Variants in EBF3 observed in about 807,000 individuals in gnomAD.
EBF3 encodes the protein EBF transcription factor 3.
In EBF3, 18 loss-of-function variants were observed where a neutral mutation model predicts 77.1. The ratio of observed to expected loss-of-function variants is 0.23; its 90% CI spans 0.16 to 0.35. The LOEUF (loss-of-function observed/expected upper bound fraction) is 0.35. Among genes scored for constraint, EBF3 ranks in the 10% least tolerant of loss-of-function variants. The pLI is 1.00. For missense variants in EBF3, 558 were observed against 860.0 expected, an observed-to-expected ratio of 0.65 and a Z score of 4.39; for synonymous variants, 350 against 343.5, an observed-to-expected ratio of 1.02 and a Z score of -0.21.
At chr10:129,906,135 T>C (rs531797781) in intron 6 of EBF3, among the ~76,000 whole-genome samples, 1 of 152,276 alleles carries the variant, frequency 6.6e-6, no homozygotes, top group South Asian at 2.1e-4. Context: ...TAGATAACAA[T>C]TCAGATGCAA....
At chr10:129,877,406 G>A (rs1305730292) in intron 7 of EBF3, among the ~76,000 whole-genome samples, 2 of 150,286 alleles carry the variant, frequency 1.3e-5, no homozygotes, top group Non-Finnish European at 3.0e-5. Flanking sequence ...CCTTGAACCT[G>A]GGAGGCGGAG....
At chr10:129,843,276 C>T (rs747190003) in intron 11 of EBF3, 74 bp from the exon 12 acceptor site, 31 of 1,494,392 alleles carry the variant, frequency 2.1e-5, no homozygotes, top group Admixed American at 1.8e-4. Context: ...GTACCAGTTC[C>T]GTCTGCGGGT....
At chr10:129,877,932 G>A in intron 6 of EBF3, 83 bp from the exon 7 acceptor site, 9 of 1,078,310 alleles carry the variant, frequency 8.3e-6, no homozygotes, top group Non-Finnish European at 1.2e-5. Flanking sequence ...CTTGCGCAGG[G>A]AGGAGTGGAG....
chr10:129,881,642 G>T (rs949588666), intron 6 of EBF3, among the ~76,000 whole-genome samples: 36 of 152,236 alleles, frequency 2.4e-4, no homozygotes, highest in Middle Eastern at 3.4e-3. Context: ...AACCATATGG[G>T]CAACCTCATT....
chr10:129,962,089 T>C, intron 4 of EBF3, 82 bp downstream of exon 4: 1 of 1,333,780 alleles, frequency 7.5e-7, no homozygotes, highest in South Asian at 1.2e-5. Flanking sequence ...ACGAGATCCA[T>C]TTGTCAGTGC....
chr10:129,867,866 C>T lies in EBF3; in HGVS notation c.828G>A (p.Thr276=). 7 of 1,614,250 alleles carry T rather than the reference C, an allele frequency of 4.3e-6. No homozygotes were observed. Among genetic ancestry groups the T allele is most frequent in the Middle Eastern group, 1.6e-4 (1 of 6,062 alleles). ...KAISPSEGWT[T]GGATVIIIGD... is the part of the protein sequence containing the mutation. ...CAATTATGATGACGGTGGCACCCCC[C>T]GTGGTCCAGCCTTCACTGGGACTGA... Residue 276 remains threonine (T), a synonymous_variant, in exon 9 of 17, where the codon ACG becomes ACA. Transcript: ENST00000440978.
Position 129,867,233 on chromosome 10 carries a change from G to A in EBF3, c.947C>T (p.Pro316Leu), listed in dbSNP as rs1564839434. ...GACGACGCCAGGAATGTGCCTCGGCGGGGTCTGGACTCGGATGGCATGGGG... is the reference window on the plus strand; with the variant it reads ...GACGACGCCAGGAATGTGCCTCGGCAGGGTCTGGACTCGGATGGCATGGGG... Reference protein sequence around the residue: ...ITPHAIRVQTPPRHIPGVVEV... With the variant: ...ITPHAIRVQTLPRHIPGVVEV... The change falls in exon 10 of 17, where the codon CCG (proline) becomes CTG (leucine). Residue 316 changes from proline to leucine, a missense_variant. This residue lies in a region of EBF3 where 112 missense variants were observed against 207.7 expected (regional missense o/e 0.54). Coordinates refer to ENST00000440978, the MANE Select transcript of EBF3 (RefSeq NM_001375380.1). 5 of 1,614,116 alleles carry A rather than the reference G, an allele frequency of 3.1e-6. No individual in the cohort carries two copies. Among genetic ancestry groups the A allele is most frequent in the South Asian group, 1.1e-5 (1 of 91,076 alleles).
intron 6 of EBF3, among the ~76,000 whole-genome samples, chr10:129,887,838 G>T (rs966842766): frequency 6.6e-6 from 1 of 152,136 alleles, no homozygotes; most frequent in East Asian, 1.9e-4. Context: ...TCCTTTCAGA[G>T]CGTTGACTAT....
intron 6 of EBF3, among the ~76,000 whole-genome samples, chr10:129,906,614 C>T (rs1405869796): frequency 2.0e-5 from 3 of 152,086 alleles, no homozygotes; most frequent in African/African-American, 4.8e-5. Context: ...TAACAATAGG[C>T]TTATTTCTAG....
chr10:129,876,114 G>C (rs555680684), intron 7 of EBF3, among the ~76,000 whole-genome samples: 26 of 152,320 alleles, frequency 1.7e-4, no homozygotes, highest in African/African-American at 5.3e-4. Context: ...GTTCAGCAGA[G>C]AGAGCAGGCA....
Position 129,962,221 on chromosome 10 carries a change from T to G in EBF3, c.361A>C (p.Arg121=). 6.2e-7 allele frequency: 1 copy of G among 1,614,150 alleles called. No homozygotes were observed. Among genetic ancestry groups the G allele is most frequent in the South Asian group, 1.1e-5 (1 of 91,078 alleles). ...KLQLLYSNGV[R]TEQDLYVRLI... is the part of the protein sequence containing the mutation. Reference sequence around the variant, plus strand: ...CGAACATACAGATCTTGCTCTGTTCTGACTCCTGCAAAAAAACAGAGACAA... The same window carrying G: ...CGAACATACAGATCTTGCTCTGTTCGGACTCCTGCAAAAAAACAGAGACAA... Residue 121 remains arginine, a synonymous_variant, in exon 4 of 17, where the codon AGA becomes CGA. Coordinates refer to ENST00000440978, the MANE Select transcript of EBF3 (RefSeq NM_001375380.1).
At position 129,840,946 on chromosome 10, in the gene EBF3, T is replaced by C; in HGVS notation, c.1459A>G (p.Ser487Gly). The C allele has an allele frequency of 6.2e-7, 1 of 1,613,998 alleles. No homozygotes were observed. Among genetic ancestry groups the C allele is most frequent in the Non-Finnish European group, 8.5e-7 (1 of 1,180,020 alleles). The change falls in exon 14 of 17, where the codon AGC becomes GGC. Residue 487 changes from serine to glycine, a missense_variant. Coordinates refer to ENST00000440978, the MANE Select transcript of EBF3 (RefSeq NM_001375380.1). ...CTTCCATATCCATTCATGCTAGTGC[T>C]GACTGTGTTGTAATTGGACTGCTGG... ...TPQQSNYNTV[S>G]TSMNGYGSGA...
intron 5 of EBF3, 60 bp from the exon 6 acceptor site, chr10:129,957,386 G>GTTTT: frequency 3.3e-6 from 4 of 1,196,352 alleles, no homozygotes; most frequent in South Asian, 3.1e-5. Context: ...TGCCCGACTT[G>GTTTT]TATTTTTTTT....
Position 129,842,537 on chromosome 10 carries a change from G to T in EBF3, c.1195-244C>A, listed in dbSNP as rs539067207. ...CCAGCATTTTGGGAGGTCAAGGCAGGCGGATCATCTGAGGTCAGGAGTTCA... is the reference window on the plus strand; with the variant it reads ...CCAGCATTTTGGGAGGTCAAGGCAGTCGGATCATCTGAGGTCAGGAGTTCA... On this transcript the variant is annotated intron_variant, in intron 12 of 16. Coordinates refer to ENST00000440978, the MANE Select transcript of EBF3 (RefSeq NM_001375380.1). This position sits in a 1 kb window ranked among gnomAD's most constrained non-coding sequence, Gnocchi z 4.4. Among the ~76,000 whole-genome samples, 11 of 152,316 alleles carry T rather than the reference G, an allele frequency of 7.2e-5. No individual in the cohort carries two copies. The South Asian group carries it at 1.7e-3, about 23-fold the overall frequency.
At chr10:129,914,650 G>C (rs1051735526) in intron 6 of EBF3, among the ~76,000 whole-genome samples, 5 of 152,158 alleles carry the variant, frequency 3.3e-5, no homozygotes, top group Non-Finnish European at 7.4e-5. Context: ...GGGCACAGAA[G>C]ACCCACTGTG....
chr10:129,915,720 C>T (rs756138756), intron 6 of EBF3, among the ~76,000 whole-genome samples: 15 of 152,164 alleles, frequency 9.9e-5, no homozygotes, highest in African/African-American at 2.7e-4. Context: ...AACACATTCC[C>T]GCATGGCACC....
rs1857960885 is a variant in EBF3, at chr10:129,943,681, T to C, written c.554+13577A>G. 6.6e-6 allele frequency among the ~76,000 whole-genome samples: 1 copy of C among 152,204 alleles called. No individual in the cohort carries two copies. Among genetic ancestry groups the C allele is most frequent in the Admixed American group, 6.5e-5 (1 of 15,278 alleles). On this transcript the variant is annotated intron_variant, in intron 6 of 16. Transcript: ENST00000440978. The surrounding 1 kb of genome is among the most constrained non-coding windows in gnomAD (Gnocchi z 8.8). ...CTCATTTATTTTCCTTCAGACATTT[T>C]TTTTTTACCTCTGCTATGAATTAAA...
intron 5 of EBF3, among the ~76,000 whole-genome samples, 157 bp from the exon 6 acceptor site, chr10:129,957,483 C>A (rs998366731): frequency 6.6e-6 from 1 of 151,652 alleles, no homozygotes; most frequent in Non-Finnish European, 1.5e-5. Context: ...ACGTGTTCTG[C>A]GGCTAAACTT....
At chr10:129,926,312 T>A (rs549003) in intron 6 of EBF3, among the ~76,000 whole-genome samples, 1,978 of 152,186 alleles carry the variant, frequency 0.013, 49 homozygotes, top group African/African-American at 0.044. Flanking sequence ...GGAGTCCCCC[T>A]TCCTGAGACC....
Sources: allele counts gnomAD v4.1 joint callset (sites outside exome capture counted in the v4.1 genomes callset), GRCh38; gene constraint gnomAD v4.1.1; regional missense constraint gnomAD v4.1.1; non-coding constraint Gnocchi (gnomAD v3.1); transcripts MANE v1.5; gene names NCBI Gene and HGNC (gene_info 2026-07-23, HGNC 2026-07-21).